ZMAT4: variants seen among roughly 807,000 people sequenced by gnomAD.
ZMAT4 encodes the protein zinc finger matrin-type protein 4.
ZMAT4 carries 17 observed loss-of-function variants against 28.7 expected under a neutral mutation model. The ratio of observed to expected loss-of-function variants is 0.59; its 90% CI spans 0.41 to 0.89. The LOEUF (loss-of-function observed/expected upper bound fraction) is 0.89. ZMAT4 is among the 40% of genes least tolerant of loss of function. The pLI is 0.00. For synonymous variants in ZMAT4, 117 were observed against 109.2 expected (o/e 1.07, Z -0.44); for missense variants, 240 against 283.8 (o/e 0.85, Z 1.11).
chr8:40,887,785 C>A (rs1465728974), intron 1 of ZMAT4, among the ~76,000 whole-genome samples: 1 of 152,178 alleles, frequency 6.6e-6, no homozygotes, highest in Non-Finnish European at 1.5e-5. Context: ...CTTCGGTCCT[C>A]TCACAGCCAT....
chr8:40,552,131 G>A (rs1316514249), intron 6 of ZMAT4, among the ~76,000 whole-genome samples: 1 of 152,156 alleles, frequency 6.6e-6, no homozygotes, highest in Non-Finnish European at 1.5e-5. Context: ...TACTTGGAAA[G>A]ATTTCTCATA....
In ZMAT4 at chr8:40,848,175, G is replaced by T. The variant is rs569919636; in HGVS notation, c.-4-22495C>A. Among the ~76,000 whole-genome samples the T allele has an allele frequency of 2.0e-4, 30 of 152,322 alleles. 1 individual carries two copies. The South Asian group carries it at 6.2e-3, about 32-fold the overall frequency. On this transcript the variant is annotated intron_variant, in intron 1 of 6. Transcript: ENST00000297737. ...ACCCAACAGCCTAGAGAAACAAAAG[G>T]AGAGGGCTTCCAATGGTGGAAAGTA...
At chr8:40,550,136 C>G (rs967209909) in intron 6 of ZMAT4, among the ~76,000 whole-genome samples, 1 of 152,078 alleles carries the variant, frequency 6.6e-6, no homozygotes, top group African/African-American at 2.4e-5. Context: ...GTGATGGGTT[C>G]TCTTGGGCCA....
At chr8:40,803,818 G>A (rs954612448) in intron 2 of ZMAT4, among the ~76,000 whole-genome samples, 2 of 152,082 alleles carry the variant, frequency 1.3e-5, no homozygotes, top group Non-Finnish European at 2.9e-5. Context: ...GCCAAAACTT[G>A]GAAGCAACCA....
intron 1 of ZMAT4, among the ~76,000 whole-genome samples, chr8:40,862,598 AAAG>A (rs1241199628): frequency 9.3e-5 from 12 of 128,918 alleles, no homozygotes; most frequent in African/African-American, 2.0e-4. Flanking sequence ...AAAAAAAAAA[AAAG>A]AAAATTTGGC....
intron 1 of ZMAT4, among the ~76,000 whole-genome samples, chr8:40,852,076 G>A (rs535414464): frequency 1.5e-4 from 23 of 151,994 alleles, no homozygotes; most frequent in African/African-American, 5.3e-4. Flanking sequence ...GGTAGAGACG[G>A]GGTTTCATCA....
chr8:40,715,891 G>A (rs1170981240), intron 3 of ZMAT4, among the ~76,000 whole-genome samples: 3 of 152,236 alleles, frequency 2.0e-5, no homozygotes, highest in Non-Finnish European at 2.9e-5. Context: ...GGCCCTCCAA[G>A]TCATGGAGAA....
chr8:40,588,346 G>C (rs1804738003), intron 5 of ZMAT4, among the ~76,000 whole-genome samples: 1 of 152,040 alleles, frequency 6.6e-6, no homozygotes, highest in African/African-American at 2.4e-5. Context: ...ATAAGACAGT[G>C]CTGGGGGAAA....
At chr8:40,693,144 T>A (rs1809727567) in intron 4 of ZMAT4, among the ~76,000 whole-genome samples, 1 of 152,066 alleles carries the variant, frequency 6.6e-6, no homozygotes, top group South Asian at 2.1e-4. Context: ...TAAGACAGGG[T>A]TTCACTCTGT....
intron 6 of ZMAT4, among the ~76,000 whole-genome samples, chr8:40,535,244 T>C (rs1282192755): frequency 2.0e-5 from 3 of 152,190 alleles, no homozygotes; most frequent in Non-Finnish European, 4.4e-5. Context: ...GGAACAGCCA[T>C]GTCCAAAAGC....
chr8:40,572,138 T>C (rs867958219), intron 6 of ZMAT4, among the ~76,000 whole-genome samples: 6 of 152,162 alleles, frequency 3.9e-5, no homozygotes, highest in African/African-American at 1.4e-4. Flanking sequence ...CAAAAGTGTC[T>C]TATTTATTAC....
intron 3 of ZMAT4, among the ~76,000 whole-genome samples, chr8:40,706,623 TATC>T (rs1311408666): frequency 1.3e-5 from 2 of 152,184 alleles, no homozygotes; most frequent in Admixed American, 6.5e-5. Flanking sequence ...ATAAATTCCT[TATC>T]ATGACATTTA....
At chr8:40,706,716 A>G (rs1488769848) in intron 3 of ZMAT4, among the ~76,000 whole-genome samples, 1 of 152,174 alleles carries the variant, frequency 6.6e-6, no homozygotes, top group Non-Finnish European at 1.5e-5. Flanking sequence ...ATATGCTCCA[A>G]GCAAATTGAT....
At chr8:40,711,163 A>T (rs1563428155) in intron 3 of ZMAT4, among the ~76,000 whole-genome samples, 1 of 152,166 alleles carries the variant, frequency 6.6e-6, no homozygotes, top group Non-Finnish European at 1.5e-5. Flanking sequence ...TTGTAGAATG[A>T]TAGGGAACCA....
chr8:40,609,838 GA>G (rs1488630233), intron 5 of ZMAT4, among the ~76,000 whole-genome samples: 2 of 151,988 alleles, frequency 1.3e-5, no homozygotes, highest in African/African-American at 4.8e-5. Flanking sequence ...TTCTTTTGAG[GA>G]GATACTCTGT....
At chr8:40,850,122 GGACACCTGCCCTTCCT>G (rs1383950493) in intron 1 of ZMAT4, among the ~76,000 whole-genome samples, 3 of 152,152 alleles carry the variant, frequency 2.0e-5, no homozygotes, top group African/African-American at 7.2e-5. Context: ...CTCACCTGGA[GGACACCTGCCCTTCCT>G]GCCTTCATCC....
chr8:40,741,977 G>A (rs190949211), intron 3 of ZMAT4, among the ~76,000 whole-genome samples: 5 of 152,198 alleles, frequency 3.3e-5, no homozygotes, highest in South Asian at 2.1e-4. Context: ...GATGGCTTAC[G>A]CCTGTAATCC....
intron 5 of ZMAT4, among the ~76,000 whole-genome samples, chr8:40,600,418 C>T (rs1805260178): frequency 6.6e-6 from 1 of 152,222 alleles, no homozygotes; most frequent in South Asian, 2.1e-4. Flanking sequence ...AGCATTCCTA[C>T]ACCACTTCAT....
In ZMAT4 at chr8:40,612,859, C is replaced by G. The variant is rs1209989661; in HGVS notation, c.578-31598G>C. On this transcript the variant is annotated intron_variant, in intron 5 of 6. Transcript: ENST00000297737. The stretch of plus-strand genomic sequence containing the variant: ...CGAAGTCTTGCTCTTGTCCCCCAGG[C>G]TGGAGTGCAATGACGTGATCTTGGC... 7.4e-5 allele frequency among the ~76,000 whole-genome samples: 6 copies of G among 81,588 alleles called. 1 individual carries two copies. The highest frequency in any genetic ancestry group is 2.1e-4 in the Non-Finnish European group (6 of 29,146). 53.5% of individuals were successfully genotyped at this position (81,588 alleles called of 152,430 possible).
Sources: allele counts gnomAD v4.1 joint callset (sites outside exome capture counted in the v4.1 genomes callset), GRCh38; gene constraint gnomAD v4.1.1; transcripts MANE v1.5; gene names NCBI Gene and HGNC (gene_info 2026-07-23, HGNC 2026-07-21).